Variants in ANLN observed in about 807,000 individuals in gnomAD.
ANLN encodes the protein anillin.
In ANLN, 59 loss-of-function variants were observed where a neutral mutation model predicts 135.1. The observed-to-expected ratio is 0.44, with a 90% CI of 0.35 to 0.54. ANLN has a LOEUF of 0.54. ANLN is among the 20% of genes least tolerant of loss of function. ANLN has a pLI of 0.00. For synonymous variants in ANLN, 406 were observed against 456.4 expected (o/e 0.89, Z 1.41); for missense variants, 1,182 against 1,340.0 (o/e 0.88, Z 1.84).
chr7:36,424,441 T>C (rs1227018203), intron 15 of ANLN, 104 bp from the exon 16 acceptor site: 2 of 900,046 alleles, frequency 2.2e-6, no homozygotes, highest in Non-Finnish European at 3.3e-6. Context: ...AAAGTCATAG[T>C]GGATTCCTTT....
intron 5 of ANLN, among the ~76,000 whole-genome samples, chr7:36,408,956 G>A (rs1787300279): frequency 6.6e-6 from 1 of 152,122 alleles, no homozygotes; most frequent in South Asian, 2.1e-4. Flanking sequence ...TAATTCTAAG[G>A]TTTAACTTTT....
chr7:36,416,113 C>A (rs529644126), intron 8 of ANLN, among the ~76,000 whole-genome samples: 3 of 152,112 alleles, frequency 2.0e-5, no homozygotes, highest in Non-Finnish European at 2.9e-5. Flanking sequence ...CCTCACCTCC[C>A]GGGTTCAAAC....
chr7:36,434,957 G>A (rs1156233881), intron 20 of ANLN, among the ~76,000 whole-genome samples: 1 of 152,134 alleles, frequency 6.6e-6, no homozygotes, highest in Non-Finnish European at 1.5e-5. Flanking sequence ...TGGTTTCCTG[G>A]AGATGGGAAT....
intron 7 of ANLN, among the ~76,000 whole-genome samples, chr7:36,412,840 A>C (rs1266037860): frequency 6.6e-6 from 1 of 152,112 alleles, no homozygotes; most frequent in Non-Finnish European, 1.5e-5. Context: ...CCATGTTTTT[A>C]TATCTCTCTG....
At chr7:36,442,945 T>G (rs932564530) in intron 21 of ANLN, among the ~76,000 whole-genome samples, 9 of 151,516 alleles carry the variant, frequency 5.9e-5, no homozygotes, top group Middle Eastern at 3.4e-3. Flanking sequence ...GTTTGTTGTT[T>G]TTTTTTTTAA....
At chr7:36,435,480 CAT>C (rs1445265403) in intron 20 of ANLN, among the ~76,000 whole-genome samples, 1 of 151,964 alleles carries the variant, frequency 6.6e-6, no homozygotes, top group African/African-American at 2.4e-5. Context: ...AGGGATTACA[CAT>C]GTGAGCCGCC....
chr7:36,416,845 C>G (rs1400701419), intron 8 of ANLN, among the ~76,000 whole-genome samples: 1 of 151,924 alleles, frequency 6.6e-6, no homozygotes, highest in Non-Finnish European at 1.5e-5. Context: ...TCCTCCTGCT[C>G]AAGGTTGTCA....
chr7:36,431,608 TATATATATA>T (rs780837500), intron 20 of ANLN, among the ~76,000 whole-genome samples: 6,265 of 41,452 alleles, frequency 0.15, 295 homozygotes, highest in East Asian at 0.39. Context: ...TATATATATA[TATATATATA>T]ATATATATAT....
At chr7:36,415,526 C>G (rs886395249) in intron 7 of ANLN, among the ~76,000 whole-genome samples, 2 of 151,900 alleles carry the variant, frequency 1.3e-5, no homozygotes, top group African/African-American at 4.8e-5. Context: ...TTCTTGCCAC[C>G]TCCTCTCCAA....
At chr7:36,409,557 T>A (rs1787324970) in intron 5 of ANLN, among the ~76,000 whole-genome samples, 1 of 152,254 alleles carries the variant, frequency 6.6e-6, no homozygotes, top group Non-Finnish European at 1.5e-5. Context: ...TATTTTTTTA[T>A]AATACAACCT....
chr7:36,390,482 G>T (rs1313765360), intron 1 of ANLN: 1 of 189,612 alleles, frequency 5.3e-6, no homozygotes, highest in African/African-American at 2.3e-5. Context: ...GATTTGCGGA[G>T]TTCACGCAGC....
At chr7:36,424,779 C>T (rs1162529544) in intron 17 of ANLN, 37 bp downstream of exon 17, 1 of 1,575,578 alleles carries the variant, frequency 6.3e-7, no homozygotes. Flanking sequence ...ATATTTTCAT[C>T]AGAAGTAATA....
intron 3 of ANLN, 79 bp from the exon 4 acceptor site, chr7:36,406,102 A>G (rs537453773): frequency 5.9e-6 from 8 of 1,352,182 alleles, no homozygotes; most frequent in South Asian, 1.8e-5. Context: ...TTAAAAATTC[A>G]GCATAGAGTG....
At chr7:36,411,279 C>G in intron 7 of ANLN, 113 bp downstream of exon 7, 1 of 804,086 alleles carries the variant, frequency 1.2e-6, no homozygotes, top group Non-Finnish European at 1.9e-6. Flanking sequence ...CCAATTAACT[C>G]TGTCACTTTT....
At chr7:36,428,168 A>T (rs767816526) in intron 20 of ANLN, 16 of 267,538 alleles carry the variant, frequency 6.0e-5, no homozygotes, top group Non-Finnish European at 1.2e-4. Flanking sequence ...TGAAGTTTTG[A>T]TTACTATTAA....
Position 36,426,842 on chromosome 7 carries a change from A to T in ANLN, c.2771-74A>T. On this transcript the variant is annotated intron_variant, in intron 19 of 23. Coordinates refer to ENST00000265748, the MANE Select transcript of ANLN (RefSeq NM_018685.5). ...GGCAGCTTAATTTTCTTCTACTGGG[A>T]TGGGGTGAGGAATTGTTACTTATAC... The T allele has an allele frequency of 3.8e-6, 3 of 779,420 alleles. No individual in the cohort carries two copies. The East Asian group carries it at 8.7e-5, about 23-fold the overall frequency. 48.3% of individuals were successfully genotyped at this position (779,420 alleles called of 1,614,324 possible).
intron 22 of ANLN, among the ~76,000 whole-genome samples, chr7:36,448,586 C>G (rs1423280572): frequency 6.6e-6 from 1 of 152,124 alleles, no homozygotes; most frequent in African/African-American, 2.4e-5. Flanking sequence ...CTTCATTCTC[C>G]CTTGCTCATT....
chr7:36,431,646 C>G, intron 20 of ANLN, among the ~76,000 whole-genome samples: 1 of 106,714 alleles, frequency 9.4e-6, no homozygotes. Flanking sequence ...CCATTTTATT[C>G]TTGATTTCAG....
chr7:36,428,922 G>T (rs1025719270), intron 20 of ANLN, among the ~76,000 whole-genome samples: 2 of 151,728 alleles, frequency 1.3e-5, no homozygotes, highest in Non-Finnish European at 2.9e-5. Context: ...GGGACTACAG[G>T]TGCATGCAAC....
Sources: gnomAD v4.1 joint callset for allele counts (sites outside exome capture counted in the v4.1 genomes callset) on GRCh38, gnomAD v4.1.1 for gene constraint, MANE v1.5 for transcripts, NCBI Gene and HGNC (gene_info 2026-07-23, HGNC 2026-07-21) for gene names.